MAPK4: variants seen among roughly 807,000 people sequenced by gnomAD.
MAPK4 encodes mitogen-activated protein kinase 4.
Under a neutral mutation model 47.7 loss-of-function variants are expected in MAPK4, and 22 were observed. The ratio of observed to expected loss-of-function variants is 0.46; its 90% confidence interval spans 0.33 to 0.66. The LOEUF (loss-of-function observed/expected upper bound fraction) is 0.66, where lower values mean the gene tolerates loss of function less well. Ranked by LOEUF, MAPK4 falls within the 30% of genes least tolerant of loss-of-function variation. MAPK4 has a pLI of 0.02. For missense variants in MAPK4, 736 were observed against 831.7 expected, an observed-to-expected ratio of 0.88 and a Z score of 1.42; for synonymous variants, 390 against 365.7, an observed-to-expected ratio of 1.07 and a Z score of -0.76.
chr18:50,610,331 C>G (rs1025852146), intron 1 of MAPK4, among the ~76,000 whole-genome samples: 1 of 152,226 alleles, frequency 6.6e-6, no homozygotes, highest in African/African-American at 2.4e-5. Flanking sequence ...ATCTTAGGTC[C>G]TTGCAGGAGG....
chr18:50,710,092 G>A (rs936546359), intron 2 of MAPK4, among the ~76,000 whole-genome samples: 3 of 152,172 alleles, frequency 2.0e-5, no homozygotes, highest in African/African-American at 7.2e-5. Context: ...GCTTCAGCAT[G>A]AAAGGAAAAG....
At chr18:50,566,395 AG>A (rs745906512) in intron 1 of MAPK4, among the ~76,000 whole-genome samples, 4 of 152,160 alleles carry the variant, frequency 2.6e-5, no homozygotes, top group Non-Finnish European at 5.9e-5. Context: ...TGAGGCTGAG[AG>A]TGGTTAGATG....
intron 1 of MAPK4, among the ~76,000 whole-genome samples, chr18:50,611,626 G>A (rs570596515): frequency 5.3e-5 from 8 of 152,326 alleles, no homozygotes; most frequent in African/African-American, 1.9e-4. Flanking sequence ...CTGACAGTGG[G>A]AACATTGTTC....
At chr18:50,647,234 T>A (rs2144197562) in intron 1 of MAPK4, among the ~76,000 whole-genome samples, 1 of 152,376 alleles carries the variant, frequency 6.6e-6, no homozygotes, top group South Asian at 2.1e-4. Context: ...ATAAAAGAAC[T>A]GTCTGTGGCA....
intron 3 of MAPK4, among the ~76,000 whole-genome samples, chr18:50,717,249 G>C (rs765582283): frequency 2.0e-5 from 3 of 152,218 alleles, no homozygotes; most frequent in Non-Finnish European, 4.4e-5. Context: ...GATCTGAAGC[G>C]AGTATCAGAG....
chr18:50,729,877 C>T lies in MAPK4; in HGVS notation c.*23C>T. The T allele has an allele frequency of 2.6e-6, 4 of 1,559,248 alleles. No individual in the cohort carries two copies. The South Asian group carries it at 4.8e-5, about 19-fold the overall frequency. ...TGAGGGCGGAGGGGCCGCTCCAGGC[C>T]CCACAGAGCAGGAGACCCCCAGAGA... On this transcript the variant is annotated 3_prime_UTR_variant, in exon 6 of 6. Coordinates refer to ENST00000400384, the MANE Select transcript of MAPK4 (RefSeq NM_002747.4).
intron 1 of MAPK4, among the ~76,000 whole-genome samples, chr18:50,621,009 A>G (rs1165223094): frequency 6.6e-6 from 1 of 152,218 alleles, no homozygotes; most frequent in Non-Finnish European, 1.5e-5. Flanking sequence ...TTAAAGAAGA[A>G]AAACAGTGCT....
intron 1 of MAPK4, among the ~76,000 whole-genome samples, chr18:50,655,375 G>A (rs2043097687): frequency 6.6e-6 from 1 of 152,118 alleles, no homozygotes; most frequent in Non-Finnish European, 1.5e-5. Flanking sequence ...CCCAGGTCCT[G>A]GGCTGGGAGT....
intron 1 of MAPK4, among the ~76,000 whole-genome samples, chr18:50,630,720 C>A (rs1416209593): frequency 6.6e-6 from 1 of 152,180 alleles, no homozygotes; most frequent in Non-Finnish European, 1.5e-5. Context: ...AGGATTAGCT[C>A]CTCATCCTAA....
At chr18:50,653,721 G>A (rs763232996) in intron 1 of MAPK4, among the ~76,000 whole-genome samples, 1 of 152,210 alleles carries the variant, frequency 6.6e-6, no homozygotes, top group Admixed American at 6.5e-5. Context: ...GAATAGTTCC[G>A]CCTACCTCAC....
At chr18:50,639,118 G>A (rs964120399) in intron 1 of MAPK4, among the ~76,000 whole-genome samples, 2 of 152,192 alleles carry the variant, frequency 1.3e-5, no homozygotes, top group African/African-American at 4.8e-5. Context: ...AAATGGCCTT[G>A]CTGTTTCAGA....
At chr18:50,723,464 G>A (rs982060427) in intron 4 of MAPK4, among the ~76,000 whole-genome samples, 4 of 152,232 alleles carry the variant, frequency 2.6e-5, no homozygotes, top group Non-Finnish European at 5.9e-5. Flanking sequence ...AAACAGAAGA[G>A]GGGAAATCGT....
At chr18:50,626,549 G>A (rs913946310) in intron 1 of MAPK4, among the ~76,000 whole-genome samples, 2 of 152,182 alleles carry the variant, frequency 1.3e-5, no homozygotes, top group Non-Finnish European at 2.9e-5. Flanking sequence ...TCATCAAGGT[G>A]TCACATGTGG....
intron 1 of MAPK4, among the ~76,000 whole-genome samples, chr18:50,648,333 G>T (rs528896917): frequency 7.0e-4 from 106 of 152,168 alleles, no homozygotes; most frequent in Non-Finnish European, 1.4e-3. Context: ...CTGTGTGGCT[G>T]TGGTGTGGGG....
Position 50,729,673 on chromosome 18 carries a change from CG to C in MAPK4, c.1585del (p.Val529TrpfsTer19). 1 of 1,526,188 alleles carries C rather than the reference CG, an allele frequency of 6.6e-7. No individual in the cohort carries two copies. The highest frequency in any genetic ancestry group is 8.8e-7 in the Non-Finnish European group (1 of 1,130,654). The allele number at this position is 1,526,188 out of a possible 1,614,324, so 94.5% of individuals were successfully genotyped here. On this transcript the variant is annotated frameshift_variant, in exon 6 of 6. Coordinates refer to ENST00000400384, the MANE Select transcript of MAPK4 (RefSeq NM_002747.4). LOFTEE classifies it high-confidence loss of function. ...GCCTCGCCCCCCGGCCGCCCGGCCC[CG>C]GTGGACGGCGGCGCCAGCCCCCAGT... ...LSASPPGRPAPVDGGASPQFD... is the reference protein window; with the variant it reads ...LSASPPGRPAXVDGGASPQFD...
At position 50,730,743 on chromosome 18, in the gene MAPK4, G is replaced by A. The variant is rs1390091184; in HGVS notation, c.*889G>A. The A allele has an allele frequency of 6.6e-6, 1 of 152,368 alleles. No individual in the cohort carries two copies. The highest frequency in any genetic ancestry group is 1.5e-5 in the Non-Finnish European group (1 of 68,026). The allele number at this position is 152,368 out of a possible 1,614,324, so 9.4% of individuals were successfully genotyped here. On this transcript the variant is annotated 3_prime_UTR_variant, in exon 6 of 6. Coordinates refer to ENST00000400384, the MANE Select transcript of MAPK4 (RefSeq NM_002747.4). Reference sequence around the variant, plus strand: ...TCCCCACTGGGCGTCCTACCCCAGTGAGGTTGAAGGCACCAATTCCAAGAA... The same window carrying A: ...TCCCCACTGGGCGTCCTACCCCAGTAAGGTTGAAGGCACCAATTCCAAGAA...
intron 1 of MAPK4, among the ~76,000 whole-genome samples, chr18:50,653,818 G>A (rs973313483): frequency 7.2e-5 from 11 of 152,302 alleles, no homozygotes; most frequent in Admixed American, 4.6e-4. Context: ...AAAGGCTAGC[G>A]CAGTTGGACT....
At chr18:50,680,038 T>C (rs1033345341) in intron 2 of MAPK4, among the ~76,000 whole-genome samples, 1 of 151,636 alleles carries the variant, frequency 6.6e-6, no homozygotes, top group Non-Finnish European at 1.5e-5. Context: ...ACCCAGAGTA[T>C]TCCTTTCAGT....
chr18:50,628,527 T>C (rs965397975), intron 1 of MAPK4, among the ~76,000 whole-genome samples: 14 of 152,254 alleles, frequency 9.2e-5, no homozygotes, highest in African/African-American at 3.4e-4. Flanking sequence ...ATAATGCTGT[T>C]AAGATTTCGC....
Sources: gnomAD v4.1 joint callset for allele counts (sites outside exome capture counted in the v4.1 genomes callset) on GRCh38, gnomAD v4.1.1 for gene constraint, MANE v1.5 for transcripts, NCBI Gene and HGNC (gene_info 2026-07-23, HGNC 2026-07-21) for gene names.